Variants in ITSN1 observed in about 807,000 individuals in gnomAD.
ITSN1 encodes intersectin 1.
In ITSN1, 58 loss-of-function variants were observed where a neutral mutation model predicts 239.8. The ratio of observed to expected loss-of-function variants is 0.24; its 90% CI spans 0.20 to 0.30. ITSN1 has a LOEUF of 0.30. ITSN1 is among the 10% of genes least tolerant of loss of function. The probability of loss-of-function intolerance (pLI) is 1.00; values close to 1 mark genes in which losing one functional copy is unlikely to be tolerated. For missense variants in ITSN1, 1,558 were observed against 2,103.3 expected (o/e 0.74, Z 5.07); for synonymous variants, 780 against 770.8 (o/e 1.01, Z -0.20).
intron 33 of ITSN1, among the ~76,000 whole-genome samples, chr21:33,874,806 G>A (rs542540982): frequency 3.9e-5 from 6 of 152,034 alleles, no homozygotes; most frequent in East Asian, 1.9e-4. Flanking sequence ...GCGCCACCAC[G>A]CCCAGCTAAT....
At chr21:33,728,111 C>T (rs1285826892) in intron 4 of ITSN1, among the ~76,000 whole-genome samples, 1 of 151,956 alleles carries the variant, frequency 6.6e-6, no homozygotes, top group Non-Finnish European at 1.5e-5. Flanking sequence ...ATTACAGGTG[C>T]ACACTACCAT....
intron 29 of ITSN1, among the ~76,000 whole-genome samples, chr21:33,842,687 CTGCTTGGCACGTCGCTTCTGAGTGATGT>C (rs1431440102): frequency 6.6e-6 from 1 of 152,198 alleles, no homozygotes; most frequent in Non-Finnish European, 1.5e-5. Context: ...ATTTCCACAT[CTGCTTGGCACGTCGCTTCTGAGTGATGT>C]TGCAAGCCTC....
chr21:33,685,438 G>C (rs552933606), intron 1 of ITSN1, among the ~76,000 whole-genome samples: 62 of 152,094 alleles, frequency 4.1e-4, no homozygotes, highest in Non-Finnish European at 6.9e-4. Flanking sequence ...ATTTCACCAA[G>C]AGTTGGCCTT....
chr21:33,728,629 G>A (rs566752577), intron 4 of ITSN1, among the ~76,000 whole-genome samples: 2 of 152,130 alleles, frequency 1.3e-5, no homozygotes, highest in South Asian at 2.1e-4. Flanking sequence ...TCCTCACATC[G>A]CAGGTTCATT....
chr21:33,740,319 T>C lies in ITSN1; in HGVS notation c.346+5115T>C, dbSNP rs1369139127. On this transcript the variant is annotated intron_variant, in intron 5 of 39. Transcript: ENST00000381318. ...CATGTCTTAGGGGCAAGCTTAGCTA[T>C]AAGGAGTACAGTGTAGACCCAAGCC... Among the ~76,000 whole-genome samples the C allele has an allele frequency of 2.6e-5, 4 of 152,124 alleles. No individual in the cohort carries two copies. In the East Asian group the frequency reaches 7.7e-4, roughly 29 times the overall value.
chr21:33,749,659 A>G (rs1235354550), intron 5 of ITSN1, among the ~76,000 whole-genome samples: 2 of 151,852 alleles, frequency 1.3e-5, no homozygotes, highest in African/African-American at 2.4e-5. Context: ...AAAAGAAAAG[A>G]AAAAAGAAAA....
At chr21:33,835,456 T>C (rs529071409) in intron 28 of ITSN1, among the ~76,000 whole-genome samples, 37 of 152,284 alleles carry the variant, frequency 2.4e-4, no homozygotes, top group African/African-American at 6.0e-4. Flanking sequence ...GAAAGATTCA[T>C]AGGGACTGTG....
intron 1 of ITSN1, among the ~76,000 whole-genome samples, chr21:33,685,289 A>C (rs899752458): frequency 6.6e-6 from 1 of 152,306 alleles, no homozygotes; most frequent in East Asian, 1.9e-4. Flanking sequence ...ACTTTCTTCA[A>C]GTTTCCCTTG....
At position 33,753,761 on chromosome 21, in the gene ITSN1, T is replaced by TAAAAAAAAAAAA. The variant is rs760085854; in HGVS notation, c.624-1519_624-1508dup. 9.1e-4 allele frequency among the ~76,000 whole-genome samples: 74 copies of TAAAAAAAAAAAA among 81,760 alleles called. 4 individuals carry two copies. Among genetic ancestry groups the TAAAAAAAAAAAA allele is most frequent in the African/African-American group, 4.2e-3 (73 of 17,574 alleles). The allele number at this position is 81,760 out of a possible 152,430, so 53.6% of individuals were successfully genotyped here. On this transcript the variant is annotated intron_variant, in intron 7 of 39. Coordinates refer to ENST00000381318, the MANE Select transcript of ITSN1 (RefSeq NM_003024.3). ...TGGGTGACACGGCAAGTCTCTTTCT[T>TAAAAAAAAAAAA]AAAAAAAAAAAAAAAAAAAAAAAAA... is the stretch of plus-strand genomic sequence containing the variant.
chr21:33,708,530 G>A (rs530940353), intron 1 of ITSN1, among the ~76,000 whole-genome samples: 1 of 151,726 alleles, frequency 6.6e-6, no homozygotes, highest in Non-Finnish European at 1.5e-5. Flanking sequence ...TAGGATTACA[G>A]GCATGCGCCA....
intron 1 of ITSN1, among the ~76,000 whole-genome samples, chr21:33,703,727 C>A (rs879753553): frequency 7.9e-5 from 12 of 151,940 alleles, no homozygotes; most frequent in Non-Finnish European, 1.6e-4. Flanking sequence ...TTTCACCTAT[C>A]TTTTCAGTTT....
chr21:33,760,920 A>G (rs1264404571), intron 8 of ITSN1, among the ~76,000 whole-genome samples: 1 of 152,010 alleles, frequency 6.6e-6, no homozygotes, highest in Non-Finnish European at 1.5e-5. Flanking sequence ...TGAGTCTCCT[A>G]CTGTGCGTTT....
intron 26 of ITSN1, chr21:33,829,128 C>T (rs1178020194): frequency 2.5e-6 from 1 of 399,652 alleles, no homozygotes; most frequent in Non-Finnish European, 4.9e-6. Context: ...CCCTGCCGGG[C>T]TCCCAGTGGT....
chr21:33,780,031 C>T (rs577578027), intron 14 of ITSN1, among the ~76,000 whole-genome samples: 40 of 152,224 alleles, frequency 2.6e-4, no homozygotes, highest in African/African-American at 8.7e-4. Flanking sequence ...GGGGTTTCAC[C>T]ATGTTGGCCA....
At chr21:33,750,650 T>C (rs1408953243) in intron 6 of ITSN1, among the ~76,000 whole-genome samples, 1 of 152,232 alleles carries the variant, frequency 6.6e-6, no homozygotes, top group Non-Finnish European at 1.5e-5. Flanking sequence ...TTTTCTATTT[T>C]TATGTATCAG....
At chr21:33,734,843 T>C (rs1157031582) in intron 4 of ITSN1, among the ~76,000 whole-genome samples, 1 of 152,162 alleles carries the variant, frequency 6.6e-6, no homozygotes, top group African/African-American at 2.4e-5. Flanking sequence ...AGTGGCAGAG[T>C]GAAAGATATT....
intron 38 of ITSN1, among the ~76,000 whole-genome samples, chr21:33,885,775 A>C (rs758174416): frequency 6.6e-5 from 10 of 152,210 alleles, no homozygotes; most frequent in African/African-American, 9.7e-5. Flanking sequence ...ATCAGGCCAA[A>C]GTAACGAGAC....
chr21:33,883,718 C>T, intron 36 of ITSN1, 47 bp downstream of exon 36: 11 of 1,599,956 alleles, frequency 6.9e-6, no homozygotes, highest in Non-Finnish European at 9.4e-6. Flanking sequence ...CTCCACGGCT[C>T]TAGGACACAC....
intron 29 of ITSN1, among the ~76,000 whole-genome samples, chr21:33,849,705 G>A (rs1029531876): frequency 6.6e-6 from 1 of 152,062 alleles, no homozygotes; most frequent in East Asian, 1.9e-4. Flanking sequence ...TTGAGGGGAC[G>A]GATACCCCAT....
Sources: gnomAD v4.1 joint callset for allele counts (sites outside exome capture counted in the v4.1 genomes callset) on GRCh38, gnomAD v4.1.1 for gene constraint, MANE v1.5 for transcripts, NCBI Gene and HGNC (gene_info 2026-07-23, HGNC 2026-07-21) for gene names.